The following PSMA8 variants were observed in gnomAD, a reference collection of about 807,000 sequenced individuals.
PSMA8 encodes the protein proteasome subunit alpha-type 8.
In PSMA8, 18 loss-of-function variants were observed where a neutral mutation model predicts 32.4. The observed-to-expected ratio is 0.56, with a 90% confidence interval of 0.38 to 0.82. PSMA8 has a LOEUF of 0.82. PSMA8 is among the 40% of genes least tolerant of loss of function. PSMA8 has a pLI of 0.00. For synonymous variants in PSMA8, 104 were observed against 98.1 expected (o/e 1.06, Z -0.36); for missense variants, 298 against 300.7 (o/e 0.99, Z 0.07).
At chr18:26,176,410 G>C (rs1252820943) in intron 4 of PSMA8, among the ~76,000 whole-genome samples, 1 of 152,032 alleles carries the variant, frequency 6.6e-6, no homozygotes, top group African/African-American at 2.4e-5. Context: ...CAGGCTGAAG[G>C]CTTTACCTTT....
At chr18:26,177,642 AT>A (rs1482636659) in intron 4 of PSMA8, among the ~76,000 whole-genome samples, 1 of 152,186 alleles carries the variant, frequency 6.6e-6, no homozygotes, top group Non-Finnish European at 1.5e-5. Context: ...ATCCATTTGC[AT>A]TTTTCCTTCA....
chr18:26,187,203 G>A (rs1460978138), intron 6 of PSMA8, among the ~76,000 whole-genome samples: 2 of 152,074 alleles, frequency 1.3e-5, no homozygotes, highest in South Asian at 2.1e-4. Context: ...AAAATTAGCC[G>A]GGTGTGATGG....
intron 6 of PSMA8, among the ~76,000 whole-genome samples, chr18:26,184,678 G>A (rs1157133841): frequency 6.7e-6 from 1 of 149,174 alleles, no homozygotes; most frequent in African/African-American, 2.5e-5. Context: ...GGAGGCTGAG[G>A]CAGGAGAATC....
intron 6 of PSMA8, among the ~76,000 whole-genome samples, chr18:26,183,845 G>T (rs910118559): frequency 1.3e-5 from 2 of 150,570 alleles, no homozygotes; most frequent in African/African-American, 2.5e-5. Flanking sequence ...CTATCAATGT[G>T]GCAAACCTCA....
intron 6 of PSMA8, among the ~76,000 whole-genome samples, chr18:26,188,589 A>T (rs1194658429): frequency 6.6e-6 from 1 of 152,212 alleles, no homozygotes; most frequent in Non-Finnish European, 1.5e-5. Flanking sequence ...CTGACTTCAA[A>T]TTATGCTACA....
chr18:26,170,661 G>A, intron 4 of PSMA8: 5 of 1,185,684 alleles, frequency 4.2e-6, no homozygotes, highest in Non-Finnish European at 5.8e-6. Context: ...CTTTTCTAAT[G>A]TAAAAATACA....
chr18:26,185,975 C>G (rs1020326825), intron 6 of PSMA8, among the ~76,000 whole-genome samples: 2 of 150,250 alleles, frequency 1.3e-5, no homozygotes. Context: ...GGCATGGTGG[C>G]TCATGCCTGT....
intron 4 of PSMA8, among the ~76,000 whole-genome samples, chr18:26,162,022 T>A (rs180811900): frequency 9.2e-5 from 14 of 152,334 alleles, no homozygotes; most frequent in Non-Finnish European, 1.5e-4. Flanking sequence ...CTGAAGAAGA[T>A]ATTTAGAAAA....
At chr18:26,145,723 A>G (rs1439871201) in intron 2 of PSMA8, among the ~76,000 whole-genome samples, 1 of 152,172 alleles carries the variant, frequency 6.6e-6, no homozygotes, top group Non-Finnish European at 1.5e-5. Flanking sequence ...GTAGTATTCC[A>G]TGGAATAAAG....
intron 4 of PSMA8, among the ~76,000 whole-genome samples, chr18:26,164,347 C>T (rs937721893): frequency 6.6e-6 from 1 of 152,130 alleles, no homozygotes; most frequent in Non-Finnish European, 1.5e-5. Flanking sequence ...GGTGCCAAAA[C>T]CATCAAGTGA....
chr18:26,172,820 C>A (rs1030196151), intron 4 of PSMA8, among the ~76,000 whole-genome samples: 2 of 152,128 alleles, frequency 1.3e-5, no homozygotes, highest in Non-Finnish European at 2.9e-5. Context: ...ACAGAGGAAG[C>A]AGGTGGATAT....
At chr18:26,168,206 A>G (rs1333936109) in intron 4 of PSMA8, among the ~76,000 whole-genome samples, 4 of 124,082 alleles carry the variant, frequency 3.2e-5, no homozygotes, top group African/African-American at 4.7e-5. Context: ...TCTTTTAGCA[A>G]TGTCTTCTGT....
intron 1 of PSMA8, among the ~76,000 whole-genome samples, chr18:26,135,638 A>G (rs1234789042): frequency 6.6e-6 from 1 of 152,220 alleles, no homozygotes; most frequent in Non-Finnish European, 1.5e-5. Flanking sequence ...AATCCCCAGC[A>G]TAGCATGTAG....
intron 6 of PSMA8, among the ~76,000 whole-genome samples, chr18:26,191,081 C>T (rs2055398615): frequency 2.0e-5 from 3 of 152,138 alleles, no homozygotes; most frequent in Non-Finnish European, 4.4e-5. Context: ...AAATAAGAAT[C>T]AGAGACCTAA....
At chr18:26,160,416 C>T (rs1385557773) in intron 4 of PSMA8, among the ~76,000 whole-genome samples, 3 of 152,198 alleles carry the variant, frequency 2.0e-5, no homozygotes, top group Non-Finnish European at 4.4e-5. Flanking sequence ...TTCCTTTAGG[C>T]CAGATTATTT....
intron 4 of PSMA8, chr18:26,171,124 T>C: frequency 6.4e-7 from 1 of 1,559,500 alleles, no homozygotes; most frequent in Non-Finnish European, 8.5e-7. Flanking sequence ...CAGGTCTTCT[T>C]ACCCATAATC....
At chr18:26,149,793 G>C (rs1039084532) in intron 2 of PSMA8, among the ~76,000 whole-genome samples, 4 of 152,052 alleles carry the variant, frequency 2.6e-5, no homozygotes, top group African/African-American at 9.7e-5. Context: ...CAAAATGAAT[G>C]AAAGACCTAA....
intron 1 of PSMA8, among the ~76,000 whole-genome samples, chr18:26,135,846 A>T (rs976677691): frequency 5.3e-5 from 8 of 152,224 alleles, no homozygotes; most frequent in Admixed American, 5.2e-4. Flanking sequence ...ATTTTTAAAG[A>T]TACATTGGAA....
intron 6 of PSMA8, among the ~76,000 whole-genome samples, chr18:26,180,846 G>A (rs756383451): frequency 1.3e-5 from 2 of 152,156 alleles, no homozygotes; most frequent in Non-Finnish European, 2.9e-5. Context: ...TAGAACACAT[G>A]CTTTGGAGTT....
Sources: gnomAD v4.1 joint callset for allele counts (sites outside exome capture counted in the v4.1 genomes callset) on GRCh38, gnomAD v4.1.1 for gene constraint, MANE v1.5 for transcripts, NCBI Gene and HGNC (gene_info 2026-07-23, HGNC 2026-07-21) for gene names.